Variants in FGF1 observed in about 807,000 individuals in gnomAD.
FGF1 encodes the protein beta-endothelial cell growth factor.
Under a neutral mutation model 13.4 loss-of-function variants are expected in FGF1, and 9 were observed. That is an observed-to-expected ratio of 0.67 (90% CI 0.40 to 1.17). The LOEUF is 1.17. FGF1 is among the 50% of genes most tolerant of loss of function. The pLI is 0.01. For missense variants in FGF1, 156 were observed against 192.7 expected (o/e 0.81, Z 1.13); for synonymous variants, 93 against 79.0 (o/e 1.18, Z -0.94).
intron 1 of FGF1, among the ~76,000 whole-genome samples, chr5:142,669,837 A>C (rs975496503): frequency 6.6e-6 from 1 of 152,176 alleles, no homozygotes; most frequent in Non-Finnish European, 1.5e-5. Context: ...AGACAGCGGC[A>C]GCCACCCTGG....
chr5:142,649,146 G>T (rs1395184219), intron 1 of FGF1, among the ~76,000 whole-genome samples: 1 of 152,180 alleles, frequency 6.6e-6, no homozygotes, highest in Non-Finnish European at 1.5e-5. Flanking sequence ...ATGTTAGAAA[G>T]TTGTGATCGC....
intron 1 of FGF1, among the ~76,000 whole-genome samples, chr5:142,666,858 G>A (rs1770473838): frequency 6.6e-6 from 1 of 151,850 alleles, no homozygotes; most frequent in Non-Finnish European, 1.5e-5. Context: ...GATCTCTTGA[G>A]CCCAGAAGTT....
chr5:142,617,314 A>G (rs1760462983), intron 1 of FGF1, among the ~76,000 whole-genome samples: 1 of 152,130 alleles, frequency 6.6e-6, no homozygotes, highest in African/African-American at 2.4e-5. Flanking sequence ...GCAGTGAGCC[A>G]AGATTGCGCC....
chr5:142,690,478 ATG>A (rs1752017306), upstream of FGF1, among the ~76,000 whole-genome samples: 1 of 152,230 alleles, frequency 6.6e-6, no homozygotes, highest in Non-Finnish European at 1.5e-5. Context: ...TTCACTTTGA[ATG>A]TATGGATCCT....
intron 1 of FGF1, chr5:142,680,908 G>A (rs929332900): frequency 2.6e-5 from 4 of 152,090 alleles, no homozygotes; most frequent in African/African-American, 9.7e-5. Context: ...AGAATCCTGG[G>A]TCCCTTATGA....
intron 1 of FGF1, among the ~76,000 whole-genome samples, chr5:142,637,919 T>C (rs1764553077): frequency 6.6e-6 from 1 of 152,090 alleles, no homozygotes. Flanking sequence ...AGTTGCCTTC[T>C]GGTCTTATGA....
chr5:142,629,182 T>C (rs1257268968), intron 1 of FGF1, among the ~76,000 whole-genome samples: 4 of 152,144 alleles, frequency 2.6e-5, no homozygotes, highest in African/African-American at 9.7e-5. Flanking sequence ...GTGTAACAGG[T>C]TCTTGCTCTG....
At chr5:142,606,951 T>G (rs772134491) in intron 2 of FGF1, among the ~76,000 whole-genome samples, 1 of 152,234 alleles carries the variant, frequency 6.6e-6, no homozygotes, top group Non-Finnish European at 1.5e-5. Flanking sequence ...CATATTGTTT[T>G]GTGTATTTTA....
chr5:142,693,725 C>T (rs1718623533), intron 2 of FGF1, among the ~76,000 whole-genome samples: 1 of 152,156 alleles, frequency 6.6e-6, no homozygotes, highest in African/African-American at 2.4e-5. Flanking sequence ...AACCACTCAT[C>T]TACTTTCTGT....
At chr5:142,659,365 A>T (rs1768771153) in intron 1 of FGF1, among the ~76,000 whole-genome samples, 1 of 151,776 alleles carries the variant, frequency 6.6e-6, no homozygotes, top group South Asian at 2.1e-4. Flanking sequence ...AGTAGCTGGG[A>T]TTACAGGCAC....
intron 1 of FGF1, among the ~76,000 whole-genome samples, chr5:142,644,767 T>C (rs1597293538): frequency 6.6e-6 from 1 of 152,354 alleles, no homozygotes; most frequent in East Asian, 1.9e-4. Flanking sequence ...GGACTAAAGC[T>C]GTTTAGCTTG....
intron 1 of FGF1, among the ~76,000 whole-genome samples, chr5:142,679,098 G>A (rs1773212741): frequency 6.6e-6 from 1 of 152,056 alleles, no homozygotes; most frequent in African/African-American, 2.4e-5. Flanking sequence ...CCCTACATAG[G>A]ATCACTTTCT....
intron 1 of FGF1, among the ~76,000 whole-genome samples, chr5:142,677,068 C>T (rs931411960): frequency 2.0e-5 from 3 of 152,290 alleles, no homozygotes; most frequent in African/African-American, 4.8e-5. Flanking sequence ...CTCTGGGCTG[C>T]GAACTTGCTC....
At chr5:142,689,741 C>G (rs1363537360), upstream of FGF1, among the ~76,000 whole-genome samples, 4 of 147,962 alleles carry the variant, frequency 2.7e-5, no homozygotes, top group African/African-American at 1.0e-4. Context: ...GCTCTGTCGC[C>G]CAGGCTGGAG....
At chr5:142,600,679 A>G in intron 3 of FGF1, 23 bp downstream of exon 3, 1 of 1,548,578 alleles carries the variant, frequency 6.5e-7, no homozygotes, top group African/African-American at 1.4e-5. Context: ...CCACGTCTGG[A>G]AGCATGTCAG....
chr5:142,611,935 G>A (rs559174718), intron 2 of FGF1, among the ~76,000 whole-genome samples: 2 of 152,286 alleles, frequency 1.3e-5, no homozygotes, highest in South Asian at 4.1e-4. Context: ...GAACCAACAC[G>A]TGCTGTGCTG....
chr5:142,628,115 G>A (rs1405043131), intron 1 of FGF1, among the ~76,000 whole-genome samples: 1 of 152,210 alleles, frequency 6.6e-6, no homozygotes, highest in Non-Finnish European at 1.5e-5. Context: ...GGAGGAAAAG[G>A]CTTGGAGGTG....
intron 2 of FGF1, among the ~76,000 whole-genome samples, chr5:142,612,871 C>T (rs1451649790): frequency 2.0e-5 from 3 of 152,138 alleles, no homozygotes; most frequent in Admixed American, 6.6e-5. Context: ...TGAGCACCAG[C>T]GAAGTGGTCA....
intron 1 of FGF1, among the ~76,000 whole-genome samples, chr5:142,677,432 G>C (rs1196107804): frequency 6.6e-6 from 1 of 152,182 alleles, no homozygotes; most frequent in African/African-American, 2.4e-5. Context: ...CTCTAAGCAT[G>C]AATAATACCA....
Sources: allele counts gnomAD v4.1 joint callset (sites outside exome capture counted in the v4.1 genomes callset), GRCh38; gene constraint gnomAD v4.1.1; transcripts MANE v1.5; gene names NCBI Gene and HGNC (gene_info 2026-07-23, HGNC 2026-07-21).